The following CREB3L2 variants were observed in gnomAD, a reference collection of about 807,000 sequenced individuals.
CREB3L2 encodes cAMP responsive element binding protein 3 like 2.
In CREB3L2, 23 loss-of-function variants were observed where a neutral mutation model predicts 57.2. The ratio of observed to expected loss-of-function variants is 0.40; its 90% CI spans 0.29 to 0.57. The LOEUF is 0.57. Among genes scored for constraint, CREB3L2 ranks in the 20% least tolerant of loss-of-function variants. The probability of loss-of-function intolerance (pLI) is 0.42; values close to 1 mark genes in which losing one functional copy is unlikely to be tolerated. For missense variants in CREB3L2, 628 were observed against 634.7 expected (o/e 0.99, Z 0.11); for synonymous variants, 268 against 265.1 (o/e 1.01, Z -0.11).
intron 8 of CREB3L2, among the ~76,000 whole-genome samples, chr7:137,893,230 G>C (rs1210936631): frequency 6.6e-6 from 1 of 152,142 alleles, no homozygotes; most frequent in African/African-American, 2.4e-5. Context: ...CAAAAACTGA[G>C]GCTGTGGAAT....
chr7:137,887,444 C>T (rs1799443596), intron 8 of CREB3L2, among the ~76,000 whole-genome samples: 1 of 152,192 alleles, frequency 6.6e-6, no homozygotes, highest in Non-Finnish European at 1.5e-5. Flanking sequence ...CGCGGTGGCT[C>T]ACGCCTGTAA....
chr7:137,998,974 C>G lies in CREB3L2; in HGVS notation c.102+2630G>C, dbSNP rs1802033839. On this transcript the variant is annotated intron_variant, in intron 1 of 11. Transcript: ENST00000330387. ...CCTCACAACTCGTATTTGAACCTCA[C>G]CCTCCCCTCAGGCTCTCTTCAACTT... is the stretch of plus-strand genomic sequence containing the variant. Among the ~76,000 whole-genome samples, 4 of 152,122 alleles carry G rather than the reference C, an allele frequency of 2.6e-5. No homozygotes were observed. The South Asian group carries it at 6.2e-4, about 24-fold the overall frequency.
chr7:137,886,020 A>G (rs1227125761), intron 8 of CREB3L2, among the ~76,000 whole-genome samples: 1 of 152,188 alleles, frequency 6.6e-6, no homozygotes, highest in Non-Finnish European at 1.5e-5. Flanking sequence ...CCACTATGAG[A>G]GGACACAGCA....
chr7:137,970,825 A>T (rs554181301), intron 1 of CREB3L2, among the ~76,000 whole-genome samples: 1 of 152,316 alleles, frequency 6.6e-6, no homozygotes, highest in South Asian at 2.1e-4. Flanking sequence ...CACTAAAAAG[A>T]ATGTCTGGAA....
chr7:137,916,741 A>T (rs1800142604), intron 2 of CREB3L2, among the ~76,000 whole-genome samples: 1 of 144,700 alleles, frequency 6.9e-6, no homozygotes, highest in Non-Finnish European at 1.5e-5. Flanking sequence ...GAGAAAGGGA[A>T]GGGAGGGGGA....
At chr7:137,981,176 GAA>G (rs1801704650) in intron 1 of CREB3L2, among the ~76,000 whole-genome samples, 1 of 152,164 alleles carries the variant, frequency 6.6e-6, no homozygotes, top group African/African-American at 2.4e-5. Context: ...GTGAATGAAA[GAA>G]AGAGGAGAGC....
chr7:137,996,399 T>C (rs1801988970), intron 1 of CREB3L2, among the ~76,000 whole-genome samples: 1 of 152,170 alleles, frequency 6.6e-6, no homozygotes, highest in South Asian at 2.1e-4. Context: ...TATACTTACT[T>C]CCCAATTCTG....
intron 1 of CREB3L2, among the ~76,000 whole-genome samples, chr7:138,000,373 A>G (rs1277239635): frequency 6.6e-6 from 1 of 152,200 alleles, no homozygotes; most frequent in Non-Finnish European, 1.5e-5. Flanking sequence ...AAGCTCAGCA[A>G]GCAAAGCCCA....
At chr7:137,974,542 C>G (rs939695902) in intron 1 of CREB3L2, among the ~76,000 whole-genome samples, 7 of 152,116 alleles carry the variant, frequency 4.6e-5, no homozygotes, top group South Asian at 4.1e-4. Flanking sequence ...AAAGATTTCT[C>G]TTAAACTTGG....
Position 137,905,756 on chromosome 7 carries a change from CAG to C in CREB3L2, c.859_860del (p.Leu287ValfsTer18), listed in dbSNP as rs1799873844. ...TCAGGGCCTTCTCCTCTGATTTTGA[CAG>C]GGGCAATTTGGTGGGGATGGGATAG... ...EGYPIPTKLP[L>X]SKSEEKALKK... is the part of the protein sequence containing the mutation. On this transcript the variant is annotated frameshift_variant, in exon 6 of 12. Transcript: ENST00000330387. LOFTEE classifies it high-confidence loss of function. 6.2e-7 allele frequency: 1 copy of C among 1,614,148 alleles called. No individual in the cohort carries two copies. The highest frequency in any genetic ancestry group is 8.5e-7 in the Non-Finnish European group (1 of 1,179,990).
intron 10 of CREB3L2, among the ~76,000 whole-genome samples, chr7:137,884,008 T>TTTTG (rs995173618): frequency 1.3e-5 from 2 of 152,272 alleles, no homozygotes; most frequent in Admixed American, 1.3e-4. Flanking sequence ...GGCTGATTCT[T>TTTTG]TTTGTTTGTT....
At chr7:137,982,323 T>G (rs1405768094) in intron 1 of CREB3L2, among the ~76,000 whole-genome samples, 1 of 152,164 alleles carries the variant, frequency 6.6e-6, no homozygotes, top group African/African-American at 2.4e-5. Context: ...CACACTGCTC[T>G]GGTCACCGCC....
intron 1 of CREB3L2, among the ~76,000 whole-genome samples, chr7:137,938,934 C>T (rs977749041): frequency 2.0e-5 from 3 of 152,120 alleles, no homozygotes; most frequent in Non-Finnish European, 2.9e-5. Context: ...AGAAACACCC[C>T]ACAAGTGGCT....
chr7:137,883,758 G>C lies in CREB3L2; in HGVS notation c.1271-1130C>G, dbSNP rs115655025. Among the ~76,000 whole-genome samples, 101 of 152,214 alleles carry C rather than the reference G, an allele frequency of 6.6e-4. 1 individual carries two copies. The highest frequency in any genetic ancestry group is 2.3e-3 in the African/African-American group (94 of 41,524). On this transcript the variant is annotated intron_variant, in intron 10 of 11. Transcript: ENST00000330387. ...CTATAGTGTATTCAGCTATTTTAAG[G>C]TAACTGCAGGTATGTTCATTGGCTA... is the stretch of plus-strand genomic sequence containing the variant.
At chr7:137,941,046 C>T (rs568189498) in intron 1 of CREB3L2, among the ~76,000 whole-genome samples, 57 of 152,324 alleles carry the variant, frequency 3.7e-4, no homozygotes, top group Non-Finnish European at 7.1e-4. Context: ...CACATGTATG[C>T]CCCACCTCTC....
At chr7:137,976,766 T>A (rs980852441) in intron 1 of CREB3L2, among the ~76,000 whole-genome samples, 16 of 152,334 alleles carry the variant, frequency 1.1e-4, no homozygotes, top group Middle Eastern at 3.4e-3. Flanking sequence ...GCATTAGTAT[T>A]TTTTAAAAAT....
At chr7:137,972,684 C>CAAAAAAAAAAAAAA (rs58627909) in intron 1 of CREB3L2, among the ~76,000 whole-genome samples, 5 of 9,652 alleles carry the variant, frequency 5.2e-4, no homozygotes, top group Non-Finnish European at 9.2e-4. Context: ...CCCGTCTCTA[C>CAAAAAAAAAAAAAA]AAAAAAAAAA....
chr7:137,940,179 T>C (rs1800857500), intron 1 of CREB3L2, among the ~76,000 whole-genome samples: 2 of 152,186 alleles, frequency 1.3e-5, no homozygotes, highest in South Asian at 4.1e-4. Flanking sequence ...TTCTCCTCTC[T>C]GGTATCTTCC....
chr7:137,987,338 G>C (rs187285864), intron 1 of CREB3L2, among the ~76,000 whole-genome samples: 1 of 152,062 alleles, frequency 6.6e-6, no homozygotes, highest in Non-Finnish European at 1.5e-5. Flanking sequence ...CTTTTTAATG[G>C]TACTGAAATC....
Sources: allele counts gnomAD v4.1 joint callset (sites outside exome capture counted in the v4.1 genomes callset), GRCh38; gene constraint gnomAD v4.1.1; transcripts MANE v1.5; gene names NCBI Gene and HGNC (gene_info 2026-07-23, HGNC 2026-07-21).